Variants in TFAM observed in about 807,000 individuals in gnomAD.
TFAM encodes the protein transcription factor A, mitochondrial, also known as mitochondrial transcription factor 1.
In TFAM, 13 loss-of-function variants were observed where a neutral mutation model predicts 30.6. The observed-to-expected ratio is 0.42, with a 90% confidence interval of 0.28 to 0.67. TFAM has a LOEUF of 0.67. Ranked by LOEUF, TFAM falls within the 30% of genes least tolerant of loss-of-function variation. The pLI is 0.21. For missense variants in TFAM, 231 were observed against 293.7 expected (o/e 0.79, Z 1.56); for synonymous variants, 106 against 94.8 (o/e 1.12, Z -0.69).
At chr10:58,391,327 C>T (rs1028580063) in intron 5 of TFAM, among the ~76,000 whole-genome samples, 4 of 152,104 alleles carry the variant, frequency 2.6e-5, no homozygotes, top group Admixed American at 6.5e-5. Flanking sequence ...AAAAAGAAAG[C>T]TTGTCAATCC....
chr10:58,388,607 G>T lies in TFAM; in HGVS notation c.292-63G>T, dbSNP rs1040250397. The T allele has an allele frequency of 8.2e-6, 13 of 1,579,076 alleles. No homozygotes were observed. In the South Asian group the frequency reaches 1.3e-4, roughly 16 times the overall value. Reference sequence around the variant, plus strand: ...GAAGTCATGCAGTTGCCTTTCCCTGGCATGTGCTATGTTGAATTTGCCAGC... The same window carrying T: ...GAAGTCATGCAGTTGCCTTTCCCTGTCATGTGCTATGTTGAATTTGCCAGC... On this transcript the variant is annotated intron_variant, in intron 3 of 6. Transcript: ENST00000487519.
chr10:58,396,663 C>T lies in TFAM; in HGVS notation c.*1589C>T, dbSNP rs1840687734. ...CCACCTGTTTGAGCAGAATAATTCT[C>T]ATCAGTTCACAGATATAGGATAACT... On this transcript the variant is annotated 3_prime_UTR_variant, in exon 7 of 7. Coordinates refer to ENST00000487519, the MANE Select transcript of TFAM (RefSeq NM_003201.3). 6.6e-6 allele frequency: 1 copy of T among 152,274 alleles called. No individual in the cohort carries two copies. The highest frequency in any genetic ancestry group is 6.5e-5 in the Admixed American group (1 of 15,302). The allele number at this position is 152,274 out of a possible 1,614,324, so 9.4% of individuals were successfully genotyped here.
Position 58,386,354 on chromosome 10 carries a change from G to A in TFAM, c.220+16G>A. 6.5e-7 allele frequency: 1 copy of A among 1,533,142 alleles called. No homozygotes were observed. The highest frequency in any genetic ancestry group is 9.0e-7 in the Non-Finnish European group (1 of 1,106,264). The allele number at this position is 1,533,142 out of a possible 1,614,324, so 95.0% of individuals were successfully genotyped here. A position where few individuals can be genotyped will look rare whatever the true frequency, so the allele number is the denominator to read the frequency against. ...CAGAACCCAGGTAAGGAGTTTTGGG[G>A]CATATACCCTTTTCTCATGTAATAA... is the stretch of plus-strand genomic sequence containing the variant. On this transcript the variant is annotated intron_variant, in intron 2 of 6. Coordinates refer to ENST00000487519, the MANE Select transcript of TFAM (RefSeq NM_003201.3).
In TFAM at chr10:58,394,272, G is replaced by A. The variant is rs181995422; in HGVS notation, c.538-86G>A. 2.2e-5 allele frequency: 21 copies of A among 944,124 alleles called. No homozygotes were observed. The East Asian group carries it at 4.8e-4, about 22-fold the overall frequency. The allele number at this position is 944,124 out of a possible 1,614,324, so 58.5% of individuals were successfully genotyped here. A position where few individuals can be genotyped will look rare whatever the true frequency, so the allele number is the denominator to read the frequency against. ...TGATGAGGCTTTGCCTGTAATTCTT[G>A]GTATCTTGAGTTTTTGTTGGAATGA... is the stretch of plus-strand genomic sequence containing the variant. On this transcript the variant is annotated intron_variant, in intron 5 of 6. Coordinates refer to ENST00000487519, the MANE Select transcript of TFAM (RefSeq NM_003201.3).
chr10:58,386,975 C>T (rs1362077580), intron 2 of TFAM, among the ~76,000 whole-genome samples: 6 of 152,040 alleles, frequency 3.9e-5, no homozygotes, highest in Admixed American at 2.0e-4. Flanking sequence ...AAAAAATGCT[C>T]ACATCAGGCT....
At chr10:58,386,553 G>T in intron 2 of TFAM, 1 of 777,208 alleles carries the variant, frequency 1.3e-6, no homozygotes, top group Admixed American at 3.1e-5. Context: ...AACGTATAGT[G>T]TAGAAAGCAC....
intron 4 of TFAM, among the ~76,000 whole-genome samples, chr10:58,389,627 C>T (rs1331460460): frequency 6.6e-6 from 1 of 152,150 alleles, no homozygotes; most frequent in East Asian, 1.9e-4. Flanking sequence ...GATGCCGCTA[C>T]TTTAGGGTGG....
intron 5 of TFAM, among the ~76,000 whole-genome samples, chr10:58,392,093 G>T (rs1354115878): frequency 6.6e-6 from 1 of 152,012 alleles, no homozygotes; most frequent in East Asian, 1.9e-4. Context: ...AACATCTTGA[G>T]ATTGCCTTCA....
At chr10:58,387,915 C>G (rs969302029) in intron 2 of TFAM, among the ~76,000 whole-genome samples, 1 of 150,782 alleles carries the variant, frequency 6.6e-6, no homozygotes, top group South Asian at 2.1e-4. Flanking sequence ...GGGTGATGGC[C>G]TGGGTGACGG....
In TFAM at chr10:58,386,339, G is replaced by A; in HGVS notation, c.220+1G>A. 6.2e-7 allele frequency: 1 copy of A among 1,605,350 alleles called. No individual in the cohort carries two copies. Among genetic ancestry groups the A allele is most frequent in the Non-Finnish European group, 8.5e-7 (1 of 1,172,182 alleles). Reference sequence around the variant, plus strand: ...CCCATATTTAAAGCTCAGAACCCAGGTAAGGAGTTTTGGGGCATATACCCT... The same window carrying A: ...CCCATATTTAAAGCTCAGAACCCAGATAAGGAGTTTTGGGGCATATACCCT... On this transcript the variant is annotated splice_donor_variant, in intron 2 of 6. Transcript: ENST00000487519. LOFTEE classifies it high-confidence loss of function.
At chr10:58,390,898 A>G (rs1371316424) in intron 5 of TFAM, 38 bp downstream of exon 5, 1 of 1,559,922 alleles carries the variant, frequency 6.4e-7, no homozygotes, top group South Asian at 1.1e-5. Context: ...TTTTTAAAAT[A>G]TTTAGACAGG....
At position 58,398,816 on chromosome 10, in the gene TFAM, TCA is replaced by T. The variant is rs938358054; in HGVS notation, c.*3745_*3746del. The T allele has an allele frequency of 2.6e-4, 39 of 152,322 alleles. No individual in the cohort carries two copies. Among genetic ancestry groups the T allele is most frequent in the African/African-American group, 8.2e-4 (34 of 41,574 alleles). The allele number at this position is 152,322 out of a possible 1,614,324, so 9.4% of individuals were successfully genotyped here. A position where few individuals can be genotyped will look rare whatever the true frequency, so the allele number is the denominator to read the frequency against. ...AATATTCTCTCGCTCTTTTCTCCAC[TCA>T]CAGCCATTCTCCCTCCTTCTCTTCA... On this transcript the variant is annotated 3_prime_UTR_variant, in exon 7 of 7. Coordinates refer to ENST00000487519, the MANE Select transcript of TFAM (RefSeq NM_003201.3).
rs931557593 is a variant in TFAM, at chr10:58,398,033, A to T, written c.*2959A>T. On this transcript the variant is annotated 3_prime_UTR_variant, in exon 7 of 7. Transcript: ENST00000487519. Reference sequence around the variant, plus strand: ...CTTGGCCTCCTTAAGTGCTGGGATTATAGGTGTGAGCCACCATGCTTGACC... The same window carrying T: ...CTTGGCCTCCTTAAGTGCTGGGATTTTAGGTGTGAGCCACCATGCTTGACC... 1 of 152,302 alleles carries T rather than the reference A, an allele frequency of 6.6e-6. No homozygotes were observed. The highest frequency in any genetic ancestry group is 1.5e-5 in the Non-Finnish European group (1 of 68,270). The allele number at this position is 152,302 out of a possible 1,614,324, so 9.4% of individuals were successfully genotyped here.
At chr10:58,389,041 A>G (rs1441147665) in intron 4 of TFAM, among the ~76,000 whole-genome samples, 2 of 152,228 alleles carry the variant, frequency 1.3e-5, no homozygotes, top group African/African-American at 4.8e-5. Flanking sequence ...CTACTTGCAG[A>G]TGTATCCACA....
Position 58,397,323 on chromosome 10 carries a change from A to G in TFAM, c.*2249A>G, listed in dbSNP as rs1459634038. The G allele has an allele frequency of 6.6e-6, 1 of 152,156 alleles. No homozygotes were observed. Among genetic ancestry groups the G allele is most frequent in the East Asian group, 1.9e-4 (1 of 5,192 alleles). 9.4% of individuals were successfully genotyped at this position (152,156 alleles called of 1,614,324 possible). ...ATTTCCTCTGAGTTCTTTTAACATT[A>G]ACTACCCGTATTATTTTATACTTAA... On this transcript the variant is annotated 3_prime_UTR_variant, in exon 7 of 7. Coordinates refer to ENST00000487519, the MANE Select transcript of TFAM (RefSeq NM_003201.3).
At position 58,395,258 on chromosome 10, in the gene TFAM, T is replaced by C. The variant is rs1380551784; in HGVS notation, c.*184T>C. 3.2e-6 allele frequency: 2 copies of C among 628,184 alleles called. No individual in the cohort carries two copies. Among genetic ancestry groups the C allele is most frequent in the Non-Finnish European group, 5.5e-6 (2 of 364,668 alleles). The allele number at this position is 628,184 out of a possible 1,614,324, so 38.9% of individuals were successfully genotyped here. On this transcript the variant is annotated 3_prime_UTR_variant, in exon 7 of 7. Coordinates refer to ENST00000487519, the MANE Select transcript of TFAM (RefSeq NM_003201.3). ...TTGCTTTGGAAAACCCAGATAAAGG[T>C]TCATGCAAACTTTATTTTGTGTTTA... is the stretch of plus-strand genomic sequence containing the variant.
At chr10:58,387,540 A>G (rs1840513536) in intron 2 of TFAM, among the ~76,000 whole-genome samples, 1 of 152,206 alleles carries the variant, frequency 6.6e-6, no homozygotes, top group Non-Finnish European at 1.5e-5. Flanking sequence ...GTTAGCTTTT[A>G]TAAATTTAGG....
chr10:58,385,463 G>C lies in TFAM; in HGVS notation c.-85G>C. 9.7e-7 allele frequency: 1 copy of C among 1,028,646 alleles called. No homozygotes were observed. Among genetic ancestry groups the C allele is most frequent in the Non-Finnish European group, 1.5e-6 (1 of 674,066 alleles). 63.7% of individuals were successfully genotyped at this position (1,028,646 alleles called of 1,614,324 possible). The stretch of plus-strand genomic sequence containing the variant: ...AACACACGCCGGAGGGTCGCACGCG[G>C]GTTCCAGTTGTGATTGCTGGAGTTG... On this transcript the variant is annotated 5_prime_UTR_variant, in exon 1 of 7. Coordinates refer to ENST00000487519, the MANE Select transcript of TFAM (RefSeq NM_003201.3).
chr10:58,387,935 CAA>C (rs200286777), intron 2 of TFAM, among the ~76,000 whole-genome samples: 16 of 120,720 alleles, frequency 1.3e-4, no homozygotes, highest in Non-Finnish European at 1.2e-4. Context: ...GACCCTGTCT[CAA>C]AAAAAAAAAA....
Sources: allele counts gnomAD v4.1 joint callset (sites outside exome capture counted in the v4.1 genomes callset), GRCh38; gene constraint gnomAD v4.1.1; transcripts MANE v1.5; gene names NCBI Gene and HGNC (gene_info 2026-07-23, HGNC 2026-07-21).